Variants in ANKRD13D observed in about 807,000 individuals in gnomAD.
The protein encoded by ANKRD13D is ankyrin repeat domain-containing protein 13D.
Under a neutral mutation model 68.8 loss-of-function variants are expected in ANKRD13D, and 24 were observed. The ratio of observed to expected loss-of-function variants is 0.35; its 90% CI spans 0.25 to 0.49. The LOEUF (loss-of-function observed/expected upper bound fraction) is 0.49, where lower values mean the gene tolerates loss of function less well. Among genes scored for constraint, ANKRD13D ranks in the 20% least tolerant of loss-of-function variants. The pLI is 0.99. For missense variants in ANKRD13D, 735 were observed against 832.1 expected, an observed-to-expected ratio of 0.88 and a Z score of 1.44; for synonymous variants, 331 against 336.1, an observed-to-expected ratio of 0.98 and a Z score of 0.16.
chr11:67,290,694 A>C, intron 3 of ANKRD13D: 1 of 487,530 alleles, frequency 2.1e-6, no homozygotes. Context: ...AAGAATGCAG[A>C]TTACCTGGAG....
At chr11:67,291,783 C>T in intron 5 of ANKRD13D, 37 bp downstream of exon 5, 1 of 1,605,520 alleles carries the variant, frequency 6.2e-7, no homozygotes, top group Non-Finnish European at 8.5e-7. Flanking sequence ...CTCCTCGGCC[C>T]TTGGGTTTCC....
intron 6 of ANKRD13D, among the ~76,000 whole-genome samples, chr11:67,293,242 G>A (rs968438745): frequency 3.3e-5 from 5 of 152,156 alleles, no homozygotes; most frequent in African/African-American, 9.7e-5. Flanking sequence ...TACCAAACGA[G>A]CTGTACTGGT....
At chr11:67,293,114 C>CGT (rs1860643374) in intron 6 of ANKRD13D, among the ~76,000 whole-genome samples, 1 of 152,102 alleles carries the variant, frequency 6.6e-6, no homozygotes, top group Non-Finnish European at 1.5e-5. Flanking sequence ...TATTCATGTG[C>CGT]AAGTTTTTGT....
rs1250504120 is a variant in ANKRD13D, at chr11:67,290,437, A to C, written c.342A>C (p.Lys114Asn). The C allele has an allele frequency of 6.3e-7, 1 of 1,584,018 alleles. No homozygotes were observed. Among genetic ancestry groups the C allele is most frequent in the Non-Finnish European group, 8.6e-7 (1 of 1,166,382 alleles). ...RLAGIPELLN[K>N]LRQAPDFYVE... ...CGGGCATTCCGGAACTGCTCAACAA[A>C]CTTCGCCAGGTACAGCAGGGCACAG... Residue 114 changes from lysine to asparagine, a missense_variant, in exon 3 of 15, where the codon AAA becomes AAC. Transcript: ENST00000511455.
Position 67,300,276 on chromosome 11 carries a change from G to T in ANKRD13D, c.1073+153G>T. 8.8e-7 allele frequency: 1 copy of T among 1,130,246 alleles called. No individual in the cohort carries two copies. 70.0% of individuals were successfully genotyped at this position (1,130,246 alleles called of 1,614,324 possible). On this transcript the variant is annotated intron_variant, in intron 10 of 14. Transcript: ENST00000511455. The surrounding 1 kb of genome is among the most constrained non-coding windows in gnomAD (Gnocchi z 4.3). ...CAGGAGTCATGTCTGCCTTATCCAT[G>T]GTCCTCAGCCCTTAGCAAGGGGCTT... is the stretch of plus-strand genomic sequence containing the variant.
Position 67,300,592 on chromosome 11 carries a change from G to T in ANKRD13D, c.1074-398G>T. ...TTCTCTTAGCCACCCAACAGTCGCTGGGATTCGAACCCTGGCAGTCTTGCC... is the reference window on the plus strand; with the variant it reads ...TTCTCTTAGCCACCCAACAGTCGCTTGGATTCGAACCCTGGCAGTCTTGCC... On this transcript the variant is annotated intron_variant, in intron 10 of 14. Coordinates refer to ENST00000511455, the MANE Select transcript of ANKRD13D (RefSeq NM_207354.3). The surrounding 1 kb of genome is among the most constrained non-coding windows in gnomAD (Gnocchi z 4.3). 2.5e-6 allele frequency: 1 copy of T among 394,058 alleles called. No homozygotes were observed. Among genetic ancestry groups the T allele is most frequent in the Non-Finnish European group, 4.5e-6 (1 of 219,882 alleles). 24.4% of individuals were successfully genotyped at this position (394,058 alleles called of 1,614,324 possible).
At position 67,302,158 on chromosome 11, in the gene ANKRD13D, G is replaced by A. The variant is rs779590001; in HGVS notation, c.1644G>A (p.Arg548=). ...GCCTGCAGCTGTCCACAGAGCCCAGGGGCCCAGGATCCCCTCCCAGGACAC... is the reference window on the plus strand; with the variant it reads ...GCCTGCAGCTGTCCACAGAGCCCAGAGGCCCAGGATCCCCTCCCAGGACAC... The part of the protein sequence containing the change: ...QESLQLSTEP[R]GPGSPPRTPP... Residue 548 remains arginine, a synonymous_variant, in exon 15 of 15, where the codon AGG becomes AGA. Coordinates refer to ENST00000511455, the MANE Select transcript of ANKRD13D (RefSeq NM_207354.3). 1 of 1,596,332 alleles carries A rather than the reference G, an allele frequency of 6.3e-7. No homozygotes were observed. The highest frequency in any genetic ancestry group is 8.5e-7 in the Non-Finnish European group (1 of 1,172,444).
chr11:67,296,506 A>T (rs1237734358), intron 6 of ANKRD13D, among the ~76,000 whole-genome samples: 1 of 152,228 alleles, frequency 6.6e-6, no homozygotes, highest in Non-Finnish European at 1.5e-5. Context: ...CATCTAAATT[A>T]TAAAATTTGT....
rs1222248771 is a variant in ANKRD13D, at chr11:67,298,942, G to A, written c.732-116G>A. On this transcript the variant is annotated intron_variant, in intron 6 of 14. Transcript: ENST00000511455. ...GGTCCTCCATGTTTCATAGCGAGAA[G>A]GGGCCCTGAGAGTTGGGCACCCCGG... is the stretch of plus-strand genomic sequence containing the variant. The A allele has an allele frequency of 8.8e-6, 9 of 1,024,196 alleles. No individual in the cohort carries two copies. The African/African-American group carries it at 1.4e-4, about 16-fold the overall frequency. 63.4% of individuals were successfully genotyped at this position (1,024,196 alleles called of 1,614,324 possible).
chr11:67,289,516 A>G lies in ANKRD13D; in HGVS notation c.56A>G (p.His19Arg), dbSNP rs1474298842. The G allele has an allele frequency of 2.0e-6, 3 of 1,518,550 alleles. No homozygotes were observed. The highest frequency in any genetic ancestry group is 2.6e-6 in the Non-Finnish European group (3 of 1,140,762). The allele number at this position is 1,518,550 out of a possible 1,614,324, so 94.1% of individuals were successfully genotyped here. The change falls in exon 1 of 15, where the codon CAT becomes CGT. Residue 19 changes from histidine (H) to arginine (R), a missense_variant. Physicochemically the swap from His to Arg is conservative, Grantham distance 29. Transcript: ENST00000511455. ...PLHRLVWANR[H>R]RELEAALHSH... ...CACCGGCTCGTCTGGGCGAACCGGC[A>G]TCGCGAACTGGAGGCCGCACTGCAC... is the stretch of plus-strand genomic sequence containing the variant.
chr11:67,290,545 G>A, intron 3 of ANKRD13D, 99 bp downstream of exon 3: 7 of 1,461,796 alleles, frequency 4.8e-6, no homozygotes, highest in Non-Finnish European at 6.4e-6. Flanking sequence ...AGTTTGTGCA[G>A]TGTGCCTCCT....
intron 6 of ANKRD13D, among the ~76,000 whole-genome samples, chr11:67,292,592 C>T (rs1463973420): frequency 6.6e-6 from 1 of 151,834 alleles, no homozygotes; most frequent in Non-Finnish European, 1.5e-5. Flanking sequence ...ACACATGCCC[C>T]CTCTTGCCTT....
chr11:67,299,232 C>A lies in ANKRD13D; in HGVS notation c.798+108C>A. On this transcript the variant is annotated intron_variant, in intron 7 of 14. Coordinates refer to ENST00000511455, the MANE Select transcript of ANKRD13D (RefSeq NM_207354.3). The surrounding 1 kb of genome is among the most constrained non-coding windows in gnomAD (Gnocchi z 6.2). The stretch of plus-strand genomic sequence containing the variant: ...GCCCCTGGGCTCTGGAAACCCTGAG[C>A]ATTTGTGGGAACTCAGCGGGCCTGA... 2 of 1,407,790 alleles carry A rather than the reference C, an allele frequency of 1.4e-6. No individual in the cohort carries two copies. Among genetic ancestry groups the A allele is most frequent in the Non-Finnish European group, 2.0e-6 (2 of 1,006,708 alleles). 87.2% of individuals were successfully genotyped at this position (1,407,790 alleles called of 1,614,324 possible).
chr11:67,292,059 ACT>A lies in ANKRD13D; in HGVS notation c.613_614del (p.Leu205AlafsTer34). Reference sequence around the variant, plus strand: ...GGTGCATGTGGAGACACTGGGGCTCACTCTGCAGGAGCCCGAAACACTGCTGG... The same window carrying A: ...GGTGCATGTGGAGACACTGGGGCTCACTGCAGGAGCCCGAAACACTGCTGG... ...QVVHVETLGL[T>X]LQEPETLLAA... is the part of the protein sequence containing the mutation. On this transcript the variant is annotated frameshift_variant, in exon 6 of 15. Coordinates refer to ENST00000511455, the MANE Select transcript of ANKRD13D (RefSeq NM_207354.3). LOFTEE classifies it high-confidence loss of function. The A allele has an allele frequency of 6.2e-7, 1 of 1,608,214 alleles. No individual in the cohort carries two copies. The highest frequency in any genetic ancestry group is 8.5e-7 in the Non-Finnish European group (1 of 1,175,908).
At chr11:67,289,634 C>G (rs1481365632) in intron 1 of ANKRD13D, 84 bp downstream of exon 1, 2 of 811,554 alleles carry the variant, frequency 2.5e-6, no homozygotes, top group Admixed American at 3.6e-5. Context: ...CCCCCCCCCC[C>G]CCCGCCCGCT....
Position 67,289,496 on chromosome 11 carries a change from G to A in ANKRD13D, c.36G>A (p.Arg12=). The change falls in exon 1 of 15, where the codon CGG becomes CGA. Residue 12 remains arginine (R), a synonymous_variant. Transcript: ENST00000511455. Reference sequence around the variant, plus strand: ...CGGGCCCCACCTTCCCGCTGCACCGGCTCGTCTGGGCGAACCGGCATCGCG... The same window carrying A: ...CGGGCCCCACCTTCCCGCTGCACCGACTCGTCTGGGCGAACCGGCATCGCG... The part of the protein sequence containing the change: ...AGPGPTFPLH[R]LVWANRHREL... The A allele has an allele frequency of 6.6e-7, 1 of 1,515,484 alleles. No homozygotes were observed. The allele number at this position is 1,515,484 out of a possible 1,614,324, so 93.9% of individuals were successfully genotyped here.
In ANKRD13D at chr11:67,302,316, C is replaced by T. The variant is rs766072374; in HGVS notation, c.1802C>T (p.Ser601Leu). Residue 601 changes from serine (S) to leucine (L), a missense_variant, in exon 15 of 15, where the codon TCA (serine) becomes TTA (leucine). Ser to Leu is a moderately radical substitution (Grantham distance 145). Coordinates refer to ENST00000511455, the MANE Select transcript of ANKRD13D (RefSeq NM_207354.3). Reference sequence around the variant, plus strand: ...GACTTACAGCGGATCCTGCAGCTGTCACTCACTGAGCACTGAGCCATAGCC... The same window carrying T: ...GACTTACAGCGGATCCTGCAGCTGTTACTCACTGAGCACTGAGCCATAGCC... ...EEDLQRILQL[S>L]LTEH 2.6e-6 allele frequency: 4 copies of T among 1,543,354 alleles called. No individual in the cohort carries two copies. Among genetic ancestry groups the T allele is most frequent in the Admixed American group, 1.9e-5 (1 of 51,476 alleles).
chr11:67,294,345 T>C (rs1860683802), intron 6 of ANKRD13D, among the ~76,000 whole-genome samples: 1 of 152,224 alleles, frequency 6.6e-6, no homozygotes, highest in Admixed American at 6.5e-5. Context: ...TTGCACTGAA[T>C]CTATAAAGCA....
rs1860969887 is a variant in ANKRD13D at position 67,301,163 on chromosome 11, C to T, written c.1231+16C>T. The T allele has an allele frequency of 2.5e-6, 4 of 1,611,732 alleles. No individual in the cohort carries two copies. Among genetic ancestry groups the T allele is most frequent in the Non-Finnish European group, 3.4e-6 (4 of 1,178,570 alleles). On this transcript the variant is annotated intron_variant, in intron 11 of 14. Coordinates refer to ENST00000511455, the MANE Select transcript of ANKRD13D (RefSeq NM_207354.3). The surrounding 1 kb of genome is among the most constrained non-coding windows in gnomAD (Gnocchi z 4.5). ...GTCAAAATTGGTGAGAGGCTGGGCACAGGCAGCGGGAGGACCTCAGGCATG... is the reference window on the plus strand; with the variant it reads ...GTCAAAATTGGTGAGAGGCTGGGCATAGGCAGCGGGAGGACCTCAGGCATG...
Sources: allele counts gnomAD v4.1 joint callset (sites outside exome capture counted in the v4.1 genomes callset), GRCh38; gene constraint gnomAD v4.1.1; non-coding constraint Gnocchi (gnomAD v3.1); transcripts MANE v1.5; gene names NCBI Gene and HGNC (gene_info 2026-07-23, HGNC 2026-07-21).